The following PSD3 variants were observed in gnomAD, a reference collection of about 807,000 sequenced individuals.
PSD3 encodes the protein PH and SEC7 domain-containing protein 3.
Under a neutral mutation model 105.5 loss-of-function variants are expected in PSD3, and 49 were observed. The observed-to-expected ratio is 0.46, with a 90% CI of 0.37 to 0.59. PSD3 has a LOEUF of 0.59. Among genes scored for constraint, PSD3 ranks in the 20% least tolerant of loss-of-function variants. The pLI is 0.00. For missense variants in PSD3, 1,561 were observed against 1,263.8 expected (o/e 1.24, Z -3.57); for synonymous variants, 557 against 457.8 (o/e 1.22, Z -2.77).
chr8:18,765,774 T>C (rs1020645244), intron 8 of PSD3, among the ~76,000 whole-genome samples: 1 of 151,916 alleles, frequency 6.6e-6, no homozygotes, highest in Non-Finnish European at 1.5e-5. Context: ...CGTCCACTAC[T>C]AACATGTTTA....
At chr8:18,960,003 C>A (rs753183621) in intron 1 of PSD3, among the ~76,000 whole-genome samples, 2 of 152,282 alleles carry the variant, frequency 1.3e-5, no homozygotes, top group South Asian at 4.1e-4. Context: ...AAGTCCCACT[C>A]CAACCTGAAA....
At chr8:19,019,665 T>A (rs1162874963) in intron 1 of PSD3, among the ~76,000 whole-genome samples, 1 of 152,186 alleles carries the variant, frequency 6.6e-6, no homozygotes, top group Admixed American at 6.5e-5. Context: ...CAATTAAAAT[T>A]TGCCACTACC....
chr8:18,963,899 C>T (rs555569259), intron 1 of PSD3, among the ~76,000 whole-genome samples: 53 of 152,262 alleles, frequency 3.5e-4, no homozygotes, highest in African/African-American at 1.2e-3. Context: ...GCTTATCTTG[C>T]TTACTTACTG....
intron 8 of PSD3, among the ~76,000 whole-genome samples, chr8:18,786,139 G>A (rs1038635609): frequency 1.3e-5 from 2 of 152,136 alleles, no homozygotes; most frequent in African/African-American, 4.8e-5. Flanking sequence ...GGGAGGTGGA[G>A]CTTGCAGTGA....
chr8:18,811,514 C>T (rs748269689), intron 4 of PSD3, among the ~76,000 whole-genome samples: 29 of 151,988 alleles, frequency 1.9e-4, no homozygotes, highest in Admixed American at 5.3e-4. Flanking sequence ...TAGAAGGTGA[C>T]GTTTGCTCTG....
At chr8:18,998,266 T>C (rs1826185620) in intron 1 of PSD3, among the ~76,000 whole-genome samples, 1 of 152,016 alleles carries the variant, frequency 6.6e-6, no homozygotes, top group Admixed American at 6.5e-5. Flanking sequence ...GATAATTAAA[T>C]TAACCACATA....
At chr8:18,561,154 GTAT>G (rs1801375010) in intron 14 of PSD3, among the ~76,000 whole-genome samples, 1 of 152,206 alleles carries the variant, frequency 6.6e-6, no homozygotes, top group Non-Finnish European at 1.5e-5. Context: ...AGACCATGCC[GTAT>G]CTTCTTCAAG....
chr8:18,559,111 G>C (rs1311330435), intron 14 of PSD3, among the ~76,000 whole-genome samples: 1 of 152,068 alleles, frequency 6.6e-6, no homozygotes, highest in Non-Finnish European at 1.5e-5. Context: ...ATGTCTCCTA[G>C]GGAATCTGAG....
At chr8:18,972,537 G>C (rs1824714796) in intron 1 of PSD3, among the ~76,000 whole-genome samples, 3 of 152,230 alleles carry the variant, frequency 2.0e-5, no homozygotes, top group South Asian at 2.1e-4. Context: ...GCTAGGAAGA[G>C]AGCAATGTGC....
intron 1 of PSD3, among the ~76,000 whole-genome samples, chr8:19,054,546 T>G (rs1828644779): frequency 1.3e-5 from 2 of 152,206 alleles, no homozygotes; most frequent in Admixed American, 1.3e-4. Context: ...TTACTTATTT[T>G]TACCATCTCC....
At chr8:18,713,874 C>T (rs1288778222) in intron 9 of PSD3, among the ~76,000 whole-genome samples, 1 of 152,156 alleles carries the variant, frequency 6.6e-6, no homozygotes, top group Non-Finnish European at 1.5e-5. Flanking sequence ...TACCTGAATT[C>T]AAACTATACT....
At chr8:18,963,789 C>T (rs1279794732) in intron 1 of PSD3, among the ~76,000 whole-genome samples, 2 of 152,026 alleles carry the variant, frequency 1.3e-5, no homozygotes, top group Non-Finnish European at 2.9e-5. Context: ...ATATAGACAC[C>T]ACATTATCGA....
At chr8:19,039,137 C>T (rs1395722678) in intron 1 of PSD3, among the ~76,000 whole-genome samples, 4 of 152,090 alleles carry the variant, frequency 2.6e-5, no homozygotes, top group African/African-American at 7.2e-5. Context: ...ACCTTTTTTC[C>T]CTTGGCTTTG....
At position 18,775,108 on chromosome 8, in the gene PSD3, G is replaced by C. The variant is rs141574531; in HGVS notation, c.2083-9570C>G. 4.4e-4 allele frequency among the ~76,000 whole-genome samples: 67 copies of C among 152,206 alleles called. 1 individual carries two copies. The highest frequency in any genetic ancestry group is 7.9e-4 in the Admixed American group (12 of 15,280). ...CCCCCAAGTTTGAGAAAGAACATGTGGTATTTGTCGCTCTGTGCCAGTTTA... is the reference window on the plus strand; with the variant it reads ...CCCCCAAGTTTGAGAAAGAACATGTCGTATTTGTCGCTCTGTGCCAGTTTA... On this transcript the variant is annotated intron_variant, in intron 8 of 15. Transcript: ENST00000327040.
intron 2 of PSD3, among the ~76,000 whole-genome samples, chr8:18,904,255 T>C (rs979970629): frequency 2.0e-5 from 3 of 152,140 alleles, no homozygotes; most frequent in African/African-American, 7.2e-5. Context: ...GAACTACTCA[T>C]TACCTCAGGG....
At chr8:18,984,007 TA>T (rs1825373278) in intron 1 of PSD3, among the ~76,000 whole-genome samples, 1 of 125,558 alleles carries the variant, frequency 8.0e-6, no homozygotes, top group African/African-American at 2.9e-5. Flanking sequence ...ACTATCTCAT[TA>T]TTTAAAAAAA....
intron 11 of PSD3, among the ~76,000 whole-genome samples, chr8:18,615,102 C>G (rs940093299): frequency 1.3e-5 from 2 of 151,978 alleles, no homozygotes; most frequent in African/African-American, 4.8e-5. Flanking sequence ...AATTCTTTGC[C>G]GTCTACTTTT....
chr8:19,079,878 T>G (rs978047759), intron 1 of PSD3, among the ~76,000 whole-genome samples: 2 of 147,514 alleles, frequency 1.4e-5, no homozygotes, highest in African/African-American at 4.9e-5. Flanking sequence ...TAAGCTGAGA[T>G]AGAAGAAAAT....
intron 7 of PSD3, among the ~76,000 whole-genome samples, chr8:18,799,836 G>A (rs959571539): frequency 5.9e-5 from 9 of 152,246 alleles, no homozygotes; most frequent in Admixed American, 2.0e-4. Context: ...AGTTGTTCTC[G>A]TTACTCTCAC....
Sources: allele counts gnomAD v4.1 joint callset (sites outside exome capture counted in the v4.1 genomes callset), GRCh38; gene constraint gnomAD v4.1.1; transcripts MANE v1.5; gene names NCBI Gene and HGNC (gene_info 2026-07-23, HGNC 2026-07-21).